Variants in ZNF292 observed in about 807,000 individuals in gnomAD.
ZNF292 encodes the protein 16 zinc-finger domain protein.
Under a neutral mutation model 217.9 loss-of-function variants are expected in ZNF292, and 26 were observed. The ratio of observed to expected loss-of-function variants is 0.12; its 90% confidence interval spans 0.09 to 0.17. The LOEUF (loss-of-function observed/expected upper bound fraction) is 0.17. Ranked by LOEUF, ZNF292 falls within the 10% of genes least tolerant of loss-of-function variation. The probability of loss-of-function intolerance (pLI) is 1.00; values close to 1 mark genes in which losing one functional copy is unlikely to be tolerated. For synonymous variants in ZNF292, 1,257 were observed against 1,124.1 expected (o/e 1.12, Z -2.37); for missense variants, 2,904 against 3,175.2 (o/e 0.91, Z 2.05).
At chr6:87,243,286 T>TG (rs960778315) in intron 5 of ZNF292, among the ~76,000 whole-genome samples, 189 bp from the exon 6 acceptor site, 11 of 151,092 alleles carry the variant, frequency 7.3e-5, no homozygotes, top group Non-Finnish European at 7.4e-5. Flanking sequence ...AAAGGTTTTT[T>TG]TTTTTTTTTT....
intron 3 of ZNF292, 147 bp downstream of exon 3, chr6:87,216,524 G>A: frequency 1.7e-6 from 1 of 588,964 alleles, no homozygotes. Flanking sequence ...ATCTTACATA[G>A]AGTAGATCTC....
chr6:87,203,087 C>T (rs558965596), intron 1 of ZNF292, among the ~76,000 whole-genome samples: 92 of 151,314 alleles, frequency 6.1e-4, no homozygotes, highest in Middle Eastern at 7.0e-3. Context: ...ATATAATTTC[C>T]CCCCTTAAAA....
chr6:87,252,142 T>G (rs1450375707), intron 7 of ZNF292, among the ~76,000 whole-genome samples: 1 of 151,118 alleles, frequency 6.6e-6, no homozygotes, highest in Non-Finnish European at 1.5e-5. Context: ...TGTTGTTTGT[T>G]TTTTTTTTGT....
chr6:87,258,840 A>G lies in ZNF292; in HGVS notation c.5211A>G (p.Thr1737=), dbSNP rs201719507. The change falls in exon 8 of 8, where the codon ACA becomes ACG. Residue 1737 remains threonine (T), a synonymous_variant. Transcript: ENST00000369577. The part of the protein sequence containing the change: ...DSQMMALNSC[T]TSINSDLQIS... The stretch of plus-strand genomic sequence containing the variant: ...AAATGATGGCTTTGAATTCATGCAC[A>G]ACTTCAATAAATTCTGATTTGCAGA... 532 of 1,611,768 alleles carry G rather than the reference A, an allele frequency of 3.3e-4. 2 individuals carry two copies. The highest frequency in any genetic ancestry group is 1.7e-3 in the Middle Eastern group (10 of 6,060).
chr6:87,218,667 T>A lies in ZNF292; in HGVS notation c.474T>A (p.Thr158=). ...LHFLATLAQE[T]GVWKNPVLCT... Reference sequence around the variant, plus strand: ...TTTTAGCTACTCTAGCTCAAGAGACTGGGGTGTGGAAAAACCCGGTACTGT... The same window carrying A: ...TTTTAGCTACTCTAGCTCAAGAGACAGGGGTGTGGAAAAACCCGGTACTGT... The change falls in exon 4 of 8, where the codon ACT becomes ACA. Residue 158 remains threonine (T), a synonymous_variant. Transcript: ENST00000369577. 6.3e-7 allele frequency: 1 copy of A among 1,593,920 alleles called. No individual in the cohort carries two copies. The highest frequency in any genetic ancestry group is 1.2e-5 in the South Asian group (1 of 86,954).
At chr6:87,219,585 T>C (rs1772972854) in intron 4 of ZNF292, among the ~76,000 whole-genome samples, 1 of 152,144 alleles carries the variant, frequency 6.6e-6, no homozygotes, top group Admixed American at 6.5e-5. Context: ...GGTACTTTGA[T>C]GTTTACCCAA....
chr6:87,215,015 T>A (rs911497216), intron 1 of ZNF292: 2 of 152,064 alleles, frequency 1.3e-5, no homozygotes, highest in Admixed American at 1.3e-4. Context: ...AACCTGAATT[T>A]CCATATGTTT....
At chr6:87,220,159 T>G (rs1773009568) in intron 4 of ZNF292, among the ~76,000 whole-genome samples, 1 of 147,184 alleles carries the variant, frequency 6.8e-6, no homozygotes, top group Non-Finnish European at 1.5e-5. Flanking sequence ...GAATCTTAGA[T>G]TTTTTTTTTT....
intron 7 of ZNF292, chr6:87,249,231 A>G (rs538580038): frequency 1.2e-5 from 2 of 169,142 alleles, no homozygotes; most frequent in African/African-American, 2.4e-5. Context: ...GGCTTGAGCA[A>G]TGCTGTCACC....
intron 1 of ZNF292, among the ~76,000 whole-genome samples, chr6:87,183,760 T>C (rs1231604658): frequency 6.6e-6 from 1 of 152,178 alleles, no homozygotes; most frequent in East Asian, 1.9e-4. Flanking sequence ...AGATAAGCCA[T>C]TATTCATAAA....
chr6:87,158,342 T>C (rs972724468), intron 1 of ZNF292, among the ~76,000 whole-genome samples: 1 of 152,190 alleles, frequency 6.6e-6, no homozygotes, highest in African/African-American at 2.4e-5. Context: ...ATGTTAGTGA[T>C]CTTGTCAAGT....
Position 87,257,074 on chromosome 6 carries a change from A to G in ZNF292, c.3445A>G (p.Asn1149Asp), listed in dbSNP as rs747214770. The change falls in exon 8 of 8, where the codon AAT becomes GAT. Residue 1149 changes from asparagine (N) to aspartate (D), a missense_variant. Asn to Asp is a conservative substitution (Grantham distance 23, BLOSUM62 1). Around this residue, in one of 15 missense-constraint regions of ZNF292, gnomAD observed 687 missense variants for 623.0 expected, o/e 1.10. Transcript: ENST00000369577. Reference protein sequence around the residue: ...GQKANNLNTPNNGKFVYFLPS... With the variant: ...GQKANNLNTPDNGKFVYFLPS... The stretch of plus-strand genomic sequence containing the variant: ...GAAAGCTAACAACTTAAATACACCA[A>G]ATAATGGAAAGTTTGTTTATTTTTT... The G allele has an allele frequency of 1.2e-6, 2 of 1,613,892 alleles. No individual in the cohort carries two copies. Among genetic ancestry groups the G allele is most frequent in the South Asian group, 2.2e-5 (2 of 91,082 alleles).
chr6:87,255,105 T>C lies in ZNF292; in HGVS notation c.1476T>C (p.Thr492=). 1 of 1,613,638 alleles carries C rather than the reference T, an allele frequency of 6.2e-7. No homozygotes were observed. The highest frequency in any genetic ancestry group is 8.5e-7 in the Non-Finnish European group (1 of 1,179,822). The stretch of plus-strand genomic sequence containing the variant: ...ACTACCAAGAAGAGAGTAAAGAAAC[T>C]TCTATGAATGGGCTTTCTGGTGGAG... ...VVDYQEESKE[T]SMNGLSGGVG... Residue 492 remains threonine, a synonymous_variant, in exon 8 of 8, where the codon ACT becomes ACC. Transcript: ENST00000369577.
At chr6:87,212,531 G>A (rs183996907) in intron 1 of ZNF292, among the ~76,000 whole-genome samples, 6 of 152,242 alleles carry the variant, frequency 3.9e-5, no homozygotes, top group East Asian at 3.9e-4. Flanking sequence ...AGACACTTAC[G>A]TAGATTTCAA....
chr6:87,211,095 G>A (rs1178676298), intron 1 of ZNF292, among the ~76,000 whole-genome samples: 1 of 152,132 alleles, frequency 6.6e-6, no homozygotes, highest in Non-Finnish European at 1.5e-5. Context: ...CTGGTATGGT[G>A]GAGTGTGTCT....
chr6:87,205,564 A>T lies in ZNF292; in HGVS notation c.169-10339A>T, dbSNP rs1241586462. Among the ~76,000 whole-genome samples the T allele has an allele frequency of 2.0e-5, 3 of 152,082 alleles. No individual in the cohort carries two copies. In the East Asian group the frequency reaches 5.8e-4, roughly 29 times the overall value. ...GATTTTTAAGTTATTTTCAGATAAG[A>T]TGATTCTTAATAATCTTATTTCAAA... On this transcript the variant is annotated intron_variant, in intron 1 of 7. Coordinates refer to ENST00000369577, the MANE Select transcript of ZNF292 (RefSeq NM_015021.3).
rs1031488551 is a variant in ZNF292, at chr6:87,216,221, A to T, written c.324-78A>T. On this transcript the variant is annotated intron_variant, in intron 2 of 7. Transcript: ENST00000369577. ...ATTAGTTATGGGGAGTCTGCTTATGATACTAGAATTACTGGTTTTATAATT... is the reference window on the plus strand; with the variant it reads ...ATTAGTTATGGGGAGTCTGCTTATGTTACTAGAATTACTGGTTTTATAATT... 7 of 1,373,912 alleles carry T rather than the reference A, an allele frequency of 5.1e-6. No individual in the cohort carries two copies. The African/African-American group carries it at 7.2e-5, about 14-fold the overall frequency. 85.1% of individuals were successfully genotyped at this position (1,373,912 alleles called of 1,614,324 possible). A position where few individuals can be genotyped will look rare whatever the true frequency, so the allele number is the denominator to read the frequency against.
chr6:87,254,744 G>C lies in ZNF292; in HGVS notation c.1115G>C (p.Cys372Ser). Reference protein sequence around the residue: ...TENTEVKISICKTISCLLPDD... With the variant: ...TENTEVKISISKTISCLLPDD... ...AATACTGAAGTGAAAATATCTATTT[G>C]CAAGACCATTTCATGTTTGTTGCCT... Residue 372 changes from cysteine to serine, a missense_variant, in exon 8 of 8, where the codon TGC (cysteine) becomes TCC (serine). This residue lies in a region of ZNF292 where 313 missense variants were observed against 451.0 expected (regional missense o/e 0.69). Coordinates refer to ENST00000369577, the MANE Select transcript of ZNF292 (RefSeq NM_015021.3). 1 of 1,613,898 alleles carries C rather than the reference G, an allele frequency of 6.2e-7. No homozygotes were observed. Among genetic ancestry groups the C allele is most frequent in the Non-Finnish European group, 8.5e-7 (1 of 1,179,818 alleles).
At chr6:87,208,331 A>G (rs115822639) in intron 1 of ZNF292, among the ~76,000 whole-genome samples, 84 of 152,096 alleles carry the variant, frequency 5.5e-4, no homozygotes, top group African/African-American at 2.0e-3. Context: ...TGAATTAAAT[A>G]TTTTCTTTAT....
Sources: allele counts gnomAD v4.1 joint callset (sites outside exome capture counted in the v4.1 genomes callset), GRCh38; gene constraint gnomAD v4.1.1; regional missense constraint gnomAD v4.1.1; transcripts MANE v1.5; gene names NCBI Gene and HGNC (gene_info 2026-07-23, HGNC 2026-07-21).